Variants in TP63 observed in about 807,000 individuals in gnomAD.
The protein encoded by TP63 is tumor protein 63.
In TP63, 17 loss-of-function variants were observed where a neutral mutation model predicts 82.8. The observed-to-expected ratio is 0.21, with a 90% CI of 0.14 to 0.31. TP63 has a LOEUF of 0.31. TP63 is among the 10% of genes least tolerant of loss of function. The probability of loss-of-function intolerance (pLI) is 1.00; values close to 1 mark genes in which losing one functional copy is unlikely to be tolerated. For missense variants in TP63, 648 were observed against 895.3 expected (o/e 0.72, Z 3.52); for synonymous variants, 330 against 321.7 (o/e 1.03, Z -0.28).
chr3:189,640,505 G>C (rs1226627811), intron 1 of TP63, among the ~76,000 whole-genome samples: 2 of 152,094 alleles, frequency 1.3e-5, no homozygotes, highest in African/African-American at 2.4e-5. Context: ...CATTGTAAAT[G>C]TTGCAGTCAC....
At chr3:189,737,478 ATAT>A (rs1317773724) in intron 1 of TP63, among the ~76,000 whole-genome samples, 1 of 152,134 alleles carries the variant, frequency 6.6e-6, no homozygotes, top group Non-Finnish European at 1.5e-5. Flanking sequence ...GAGCATAATA[ATAT>A]TATTAGTTAG....
chr3:189,823,848 G>C (rs187802485), intron 4 of TP63, among the ~76,000 whole-genome samples: 1 of 152,058 alleles, frequency 6.6e-6, no homozygotes, highest in Non-Finnish European at 1.5e-5. Flanking sequence ...GATAGACTTC[G>C]GATAGAGGCA....
At chr3:189,672,436 A>G (rs1714969280) in intron 1 of TP63, among the ~76,000 whole-genome samples, 1 of 151,992 alleles carries the variant, frequency 6.6e-6, no homozygotes, top group East Asian at 1.9e-4. Flanking sequence ...CTTTGTCTCT[A>G]CAAAAGATGA....
At chr3:189,680,953 A>G (rs901801887) in intron 1 of TP63, among the ~76,000 whole-genome samples, 12 of 152,306 alleles carry the variant, frequency 7.9e-5, no homozygotes, top group East Asian at 3.9e-4. Flanking sequence ...GCCAGGGTAC[A>G]CTGGTGAAGG....
the TP63 span, among the ~76,000 whole-genome samples, chr3:189,600,694 A>G: frequency 2.0e-5 from 3 of 152,298 alleles, no homozygotes; most frequent in East Asian, 5.8e-4. Context: ...TAGGTCTACT[A>G]AAACTCCTTA....
rs1048732134 is a variant in TP63, at chr3:189,739,053, A to G, written c.324+279A>G. Among the ~76,000 whole-genome samples, 3 of 152,144 alleles carry G rather than the reference A, an allele frequency of 2.0e-5. No homozygotes were observed. In the East Asian group the frequency reaches 5.8e-4, roughly 29 times the overall value. ...CCTCATGTCAACCCCAATTTAGAAA[A>G]GATGGTACCAGCTCAAGGCTTTCTA... On this transcript the variant is annotated intron_variant, in intron 3 of 13. Coordinates refer to ENST00000264731, the MANE Select transcript of TP63 (RefSeq NM_003722.5).
At chr3:189,661,761 C>T (rs187165945) in intron 1 of TP63, among the ~76,000 whole-genome samples, 26 of 151,986 alleles carry the variant, frequency 1.7e-4, no homozygotes, top group Non-Finnish European at 2.9e-5. Flanking sequence ...CAATATTGGC[C>T]ACTTCAGAGT....
chr3:189,815,460 A>G (rs1728081205), intron 4 of TP63, among the ~76,000 whole-genome samples: 1 of 152,190 alleles, frequency 6.6e-6, no homozygotes, highest in Non-Finnish European at 1.5e-5. Flanking sequence ...TTACAATCCC[A>G]GACTGTTGTC....
chr3:189,644,459 G>C lies in TP63; in HGVS notation c.62+12882G>C, dbSNP rs1204110098. ...CACCTACTAGACCCTACTACTTAAA[G>C]TGAAATGCATAGAATAATACAAAAT... On this transcript the variant is annotated intron_variant, in intron 1 of 13. Transcript: ENST00000264731. 3.3e-5 allele frequency among the ~76,000 whole-genome samples: 5 copies of C among 152,272 alleles called. No homozygotes were observed. In the East Asian group the frequency reaches 9.6e-4, roughly 29 times the overall value.
At chr3:189,870,999 T>G (rs1367644430) in intron 9 of TP63, among the ~76,000 whole-genome samples, 2 of 152,212 alleles carry the variant, frequency 1.3e-5, no homozygotes, top group Non-Finnish European at 2.9e-5. Context: ...AGTGTCTTGT[T>G]TCTCAAGGTA....
At chr3:189,884,560 CTCCACAAGGATGGTGTG>C (rs1720246389) in intron 10 of TP63, among the ~76,000 whole-genome samples, 1 of 152,168 alleles carries the variant, frequency 6.6e-6, no homozygotes, top group African/African-American at 2.4e-5. Context: ...CCATGACCTG[CTCCACAAGGATGGTGTG>C]ACAATCATTC....
chr3:189,895,581 T>C lies in TP63; in HGVS notation c.*1079T>C. 4.5e-6 allele frequency: 1 copy of C among 222,292 alleles called. No individual in the cohort carries two copies. Among genetic ancestry groups the C allele is most frequent in the Non-Finnish European group, 9.0e-6 (1 of 111,348 alleles). 13.8% of individuals were successfully genotyped at this position (222,292 alleles called of 1,614,324 possible). On this transcript the variant is annotated 3_prime_UTR_variant, in exon 14 of 14. Coordinates refer to ENST00000264731, the MANE Select transcript of TP63 (RefSeq NM_003722.5). ...ACTGTCTATTAATATTCAGGGTAAA[T>C]AGGAATCATTCAGAAATGTTGAGTC...
intron 1 of TP63, among the ~76,000 whole-genome samples, chr3:189,732,778 G>T (rs11715415): frequency 6.6e-6 from 1 of 151,954 alleles, no homozygotes; most frequent in East Asian, 1.9e-4. Flanking sequence ...TCAAGGAGCT[G>T]TAAAACCACA....
At chr3:189,714,818 A>T (rs1301814328) in intron 1 of TP63, among the ~76,000 whole-genome samples, 1 of 152,192 alleles carries the variant, frequency 6.6e-6, no homozygotes, top group African/African-American at 2.4e-5. Context: ...ACATTCATAT[A>T]AAAAGCATCT....
At chr3:189,753,058 CATGAT>C (rs1317748361) in intron 3 of TP63, among the ~76,000 whole-genome samples, 2 of 152,070 alleles carry the variant, frequency 1.3e-5, no homozygotes, top group African/African-American at 4.8e-5. Context: ...TTTCTAGAGT[CATGAT>C]ATTGTTTATC....
intron 5 of TP63, among the ~76,000 whole-genome samples, chr3:189,864,876 G>A (rs980125374): frequency 6.6e-6 from 1 of 151,860 alleles, no homozygotes; most frequent in African/African-American, 2.4e-5. Context: ...GCATGGTGGC[G>A]GGCACCTGTA....
chr3:189,875,607 T>TATATATATATATATATACACAC (rs1719001327), intron 10 of TP63, among the ~76,000 whole-genome samples: 3 of 56,100 alleles, frequency 5.3e-5, no homozygotes, highest in Non-Finnish European at 1.3e-4. Flanking sequence ...TATATATATA[T>TATATATATATATATATACACAC]ATATATATAT....
chr3:189,779,241 G>GATTAA (rs1724046684), intron 3 of TP63, among the ~76,000 whole-genome samples: 1 of 152,064 alleles, frequency 6.6e-6, no homozygotes, highest in Non-Finnish European at 1.5e-5. Context: ...ATCCCTTTGT[G>GATTAA]ACATTATTAC....
In TP63 at chr3:189,752,943, G is replaced by A. The variant is rs772079675; in HGVS notation, c.324+14169G>A. Among the ~76,000 whole-genome samples, 68 of 152,040 alleles carry A rather than the reference G, an allele frequency of 4.5e-4. 1 individual carries two copies. Among genetic ancestry groups the A allele is most frequent in the Admixed American group, 2.1e-3 (32 of 15,252 alleles). On this transcript the variant is annotated intron_variant, in intron 3 of 13. Transcript: ENST00000264731. ...TCAAAGCATTTTGTTTAATTGCTAA[G>A]TTGGACATTTTCTGTTACCTTTCTA...
Sources: gnomAD v4.1 joint callset for allele counts (sites outside exome capture counted in the v4.1 genomes callset) on GRCh38, gnomAD v4.1.1 for gene constraint, MANE v1.5 for transcripts, NCBI Gene and HGNC (gene_info 2026-07-23, HGNC 2026-07-21) for gene names.